BCL2L13: variants seen among roughly 807,000 people sequenced by gnomAD.
BCL2L13 encodes bcl-2-like protein 13.
BCL2L13 carries 13 observed loss-of-function variants against 25.8 expected under a neutral mutation model. The observed-to-expected ratio is 0.50, with a 90% CI of 0.33 to 0.80. BCL2L13 has a LOEUF of 0.80. BCL2L13 is among the 30% of genes least tolerant of loss of function. BCL2L13 has a pLI of 0.02. For synonymous variants in BCL2L13, 244 were observed against 230.3 expected (o/e 1.06, Z -0.54); for missense variants, 504 against 574.9 (o/e 0.88, Z 1.26).
At chr22:17,629,942 G>T (rs1483006740) in intron 1 of BCL2L13, among the ~76,000 whole-genome samples, 4 of 152,062 alleles carry the variant, frequency 2.6e-5, no homozygotes, top group Non-Finnish European at 5.9e-5. Context: ...TCCCGGGCCA[G>T]GCGCGGTGTC....
intron 3 of BCL2L13, among the ~76,000 whole-genome samples, chr22:17,687,683 A>AT (rs1282999562): frequency 2.0e-5 from 3 of 151,458 alleles, no homozygotes; most frequent in African/African-American, 4.9e-5. Context: ...GGCCCAGCTA[A>AT]TTTTTTTGTA....
At chr22:17,679,012 T>C (rs1033466962) in intron 2 of BCL2L13, among the ~76,000 whole-genome samples, 3 of 152,242 alleles carry the variant, frequency 2.0e-5, no homozygotes, top group East Asian at 1.9e-4. Flanking sequence ...CTCAAGTCTT[T>C]AGGGAAATGA....
chr22:17,721,756 C>G (rs1807457), intron 6 of BCL2L13, among the ~76,000 whole-genome samples: 22,059 of 152,044 alleles, frequency 0.15, 2,075 homozygotes, highest in Non-Finnish European at 0.21. Flanking sequence ...AAACTCCTGA[C>G]CTCAGGTGAT....
chr22:17,650,570 T>C (rs1246926141), intron 1 of BCL2L13, among the ~76,000 whole-genome samples: 1 of 152,180 alleles, frequency 6.6e-6, no homozygotes, highest in African/African-American at 2.4e-5. Flanking sequence ...TACTGAGCCT[T>C]ACCTTCTATA....
rs573275135 is a variant in BCL2L13, at chr22:17,643,708, C to T, written c.-51+4822C>T. On this transcript the variant is annotated intron_variant, in intron 1 of 6. Coordinates refer to ENST00000317582, the MANE Select transcript of BCL2L13 (RefSeq NM_015367.4). ...AGTGGTGCGATCTCGGCTCACTGCACGCCCCGCCTCCTGGGTTCATGCCAG... is the reference window on the plus strand; with the variant it reads ...AGTGGTGCGATCTCGGCTCACTGCATGCCCCGCCTCCTGGGTTCATGCCAG... Among the ~76,000 whole-genome samples, 10 of 148,826 alleles carry T rather than the reference C, an allele frequency of 6.7e-5. No homozygotes were observed. In the East Asian group the frequency reaches 8.1e-4, roughly 12 times the overall value.
intron 4 of BCL2L13, among the ~76,000 whole-genome samples, chr22:17,691,868 A>AT (rs11374530): frequency 0.15 from 22,106 of 152,192 alleles, 2,089 homozygotes; most frequent in Non-Finnish European, 0.21. Flanking sequence ...AGCAAATTCT[A>AT]TTTAAAGGAG....
At chr22:17,656,332 A>ATTTT (rs1568935138) in intron 2 of BCL2L13, among the ~76,000 whole-genome samples, 5 of 70,474 alleles carry the variant, frequency 7.1e-5, no homozygotes, top group African/African-American at 1.2e-4. Flanking sequence ...TTTTCATTTT[A>ATTTT]TTCTTTTTTT....
Position 17,631,670 on chromosome 22 carries a change from G to GTGTATTTATATATATA in BCL2L13, c.-650+2666_-650+2667insGTATTTATATATATAT, listed in dbSNP as rs1203626385. Among the ~76,000 whole-genome samples the GTGTATTTATATATATA allele has an allele frequency of 1.9e-4, 5 of 26,892 alleles. No homozygotes were observed. The Admixed American group carries it at 2.6e-3, about 14-fold the overall frequency. 17.6% of individuals were successfully genotyped at this position (26,892 alleles called of 152,430 possible). A position where few individuals can be genotyped will look rare whatever the true frequency, so the allele number is the denominator to read the frequency against. On this transcript the variant is annotated intron_variant, in intron 1 of 6. Transcript: ENST00000399782. ...CGTGTGTGTATGTATGTGTGTGTGT[G>GTGTATTTATATATATA]TATATATATATATATATATATATAT...
intron 6 of BCL2L13, among the ~76,000 whole-genome samples, chr22:17,718,494 G>A (rs1434757469): frequency 1.3e-5 from 2 of 152,048 alleles, no homozygotes; most frequent in African/African-American, 4.8e-5. Flanking sequence ...TGGTTGTGAG[G>A]TACTCTTTGT....
Position 17,672,343 on chromosome 22 carries a change from C to T in BCL2L13, c.122-10871C>T, listed in dbSNP as rs187154580. Among the ~76,000 whole-genome samples, 3 of 152,298 alleles carry T rather than the reference C, an allele frequency of 2.0e-5. No homozygotes were observed. In the East Asian group the frequency reaches 5.8e-4, roughly 29 times the overall value. Reference sequence around the variant, plus strand: ...TTTCGAAAGTATTTTGCTCTGGGAGCTCTAGTCCATTCAACTTGGCTAAAC... The same window carrying T: ...TTTCGAAAGTATTTTGCTCTGGGAGTTCTAGTCCATTCAACTTGGCTAAAC... On this transcript the variant is annotated intron_variant, in intron 2 of 6. Coordinates refer to ENST00000317582, the MANE Select transcript of BCL2L13 (RefSeq NM_015367.4).
At position 17,656,589 on chromosome 22, in the gene BCL2L13, C is replaced by T. The variant is rs575758182; in HGVS notation, c.121+757C>T. On this transcript the variant is annotated intron_variant, in intron 2 of 6. Coordinates refer to ENST00000317582, the MANE Select transcript of BCL2L13 (RefSeq NM_015367.4). The stretch of plus-strand genomic sequence containing the variant: ...TCTCAAACTCTGGACCTCAGGTGAT[C>T]GCCCGCCTCGGCCTCCCAAAGTGCT... Among the ~76,000 whole-genome samples the T allele has an allele frequency of 9.8e-4, 149 of 151,760 alleles. 1 individual carries two copies. The highest frequency in any genetic ancestry group is 3.5e-3 in the African/African-American group (144 of 41,418).
intron 6 of BCL2L13, among the ~76,000 whole-genome samples, chr22:17,703,951 A>C (rs1316501182): frequency 2.0e-5 from 3 of 152,190 alleles, no homozygotes; most frequent in Non-Finnish European, 4.4e-5. Flanking sequence ...CTCCCTTCTC[A>C]ACTTTCAGTT....
intron 2 of BCL2L13, among the ~76,000 whole-genome samples, chr22:17,680,438 G>A (rs1472483480): frequency 6.7e-6 from 1 of 148,220 alleles, no homozygotes; most frequent in Non-Finnish European, 1.5e-5. Context: ...GAACCTGGGA[G>A]GTGGAGCTTG....
At chr22:17,648,231 C>T (rs73376764) in intron 1 of BCL2L13, among the ~76,000 whole-genome samples, 8,035 of 152,078 alleles carry the variant, frequency 0.053, 351 homozygotes, top group African/African-American at 0.12. Flanking sequence ...AGAGACATAA[C>T]CCTGTAGTAG....
At chr22:17,628,993 G>T (rs933438225) in exon 1 of BCL2L13, 5 of 363,224 alleles carry the variant, frequency 1.4e-5, no homozygotes, top group Non-Finnish European at 2.1e-5. Context: ...CTGTTTTGAG[G>T]AGTACTGGTT....
intron 6 of BCL2L13, among the ~76,000 whole-genome samples, chr22:17,719,281 A>G (rs2061035485): frequency 6.6e-6 from 1 of 152,176 alleles, no homozygotes; most frequent in Non-Finnish European, 1.5e-5. Context: ...CAAATGGCCA[A>G]TTAGCACATG....
At chr22:17,684,207 T>G (rs950167874) in intron 3 of BCL2L13, among the ~76,000 whole-genome samples, 1 of 152,116 alleles carries the variant, frequency 6.6e-6, no homozygotes, top group Admixed American at 6.6e-5. Flanking sequence ...GACTCATGCC[T>G]GTAATTCTAG....
chr22:17,652,938 A>G (rs531588825), intron 1 of BCL2L13, among the ~76,000 whole-genome samples: 4 of 151,362 alleles, frequency 2.6e-5, no homozygotes, highest in Non-Finnish European at 4.4e-5. Context: ...GGTGGCGGGC[A>G]CCTGTAGTCC....
intron 5 of BCL2L13, among the ~76,000 whole-genome samples, chr22:17,700,615 C>A (rs913294973): frequency 1.3e-5 from 2 of 152,142 alleles, no homozygotes; most frequent in Admixed American, 1.3e-4. Context: ...CCTGCTTCTA[C>A]CCGAGGCAAA....
Sources: gnomAD v4.1 joint callset for allele counts (sites outside exome capture counted in the v4.1 genomes callset) on GRCh38, gnomAD v4.1.1 for gene constraint, MANE v1.5 for transcripts, NCBI Gene and HGNC (gene_info 2026-07-23, HGNC 2026-07-21) for gene names.